The following SLC38A7 variants were observed in gnomAD, a reference collection of about 807,000 sequenced individuals.
SLC38A7 encodes the protein sodium-coupled neutral amino acid transporter 7.
SLC38A7 carries 29 observed loss-of-function variants against 50.1 expected under a neutral mutation model. The observed-to-expected ratio is 0.58, with a 90% CI of 0.43 to 0.79. SLC38A7 has a LOEUF of 0.79. Ranked by LOEUF, SLC38A7 falls within the 30% of genes least tolerant of loss-of-function variation. The pLI, the probability that SLC38A7 is intolerant of heterozygous loss-of-function variation, is 0.00. For synonymous variants in SLC38A7, 244 were observed against 245.9 expected, an observed-to-expected ratio of 0.99 and a Z score of 0.07; for missense variants, 483 against 610.6, an observed-to-expected ratio of 0.79 and a Z score of 2.20.
intron 2 of SLC38A7, among the ~76,000 whole-genome samples, chr16:58,682,756 T>C (rs8052986): frequency 0.58 from 88,246 of 151,350 alleles, 27,346 homozygotes; most frequent in African/African-American, 0.82. Context: ...CTCAGCCTCC[T>C]GAGTAGCTGG....
chr16:58,671,356 T>C (rs1437326712), intron 9 of SLC38A7, 112 bp from the exon 10 acceptor site: 1 of 1,041,402 alleles, frequency 9.6e-7, no homozygotes, highest in Admixed American at 2.4e-5. Context: ...GCCCCATTCC[T>C]GACCCTCAGT....
chr16:58,678,823 G>A lies in SLC38A7; in HGVS notation c.342C>T (p.Thr114=), dbSNP rs2044325220. The part of the protein sequence containing the change: ...AYCSQASNER[T]YQEVVWAVCG... ...ACACAGCCCATACCACCTCCTGGTA[G>A]GTCCTCTCATTGCTGGCCTGGGAGC... Residue 114 remains threonine, a synonymous_variant, in exon 4 of 12, where the codon ACC becomes ACT. Transcript: ENST00000219320. The surrounding 1 kb of genome is among the most constrained non-coding windows in gnomAD (Gnocchi z 4.0). 1 of 1,614,050 alleles carries A rather than the reference G, an allele frequency of 6.2e-7. No individual in the cohort carries two copies.
intron 11 of SLC38A7, among the ~76,000 whole-genome samples, chr16:58,668,055 AC>A (rs1278285257): frequency 6.6e-6 from 1 of 151,886 alleles, no homozygotes; most frequent in Non-Finnish European, 1.5e-5. Flanking sequence ...TAATTCCAGC[AC>A]TTTGGGAGGC....
intron 11 of SLC38A7, among the ~76,000 whole-genome samples, chr16:58,668,819 C>G (rs2044099262): frequency 6.7e-6 from 1 of 149,286 alleles, no homozygotes. Context: ...ATCACCCAGG[C>G]TGGAGTGCAG....
chr16:58,676,953 C>A (rs578162193), intron 6 of SLC38A7, among the ~76,000 whole-genome samples: 4 of 148,716 alleles, frequency 2.7e-5, no homozygotes, highest in South Asian at 2.1e-4. Flanking sequence ...TGTGCCTGGC[C>A]CCCCCCCTTT....
intron 11 of SLC38A7, among the ~76,000 whole-genome samples, chr16:58,668,922 A>G (rs1267637813): frequency 6.7e-6 from 1 of 148,782 alleles, no homozygotes; most frequent in African/African-American, 2.5e-5. Context: ...GGCATGCGCC[A>G]CCACAACCAG....
intron 11 of SLC38A7, among the ~76,000 whole-genome samples, chr16:58,669,210 G>T (rs1227777215): frequency 6.9e-6 from 1 of 145,934 alleles, no homozygotes; most frequent in Non-Finnish European, 1.5e-5. Context: ...CCGCCTCCTG[G>T]GTTCAAGCAA....
At position 58,673,747 on chromosome 16, in the gene SLC38A7, TCTTGAATTCTTAGA is replaced by T. The variant is rs1418218587; in HGVS notation, c.884-1518_884-1505del. 1.3e-5 allele frequency among the ~76,000 whole-genome samples: 2 copies of T among 151,228 alleles called. 1 individual carries two copies. Among genetic ancestry groups the T allele is most frequent in the East Asian group, 3.9e-4 (2 of 5,090 alleles). On this transcript the variant is annotated intron_variant, in intron 8 of 11. Coordinates refer to ENST00000219320, the MANE Select transcript of SLC38A7 (RefSeq NM_018231.3). Reference sequence around the variant, plus strand: ...TGGTACAATCATAGTTCCACTGTAGTCTTGAATTCTTAGACTCAAGTTCCTCCTGACTTGGCCTC... The same window carrying T: ...TGGTACAATCATAGTTCCACTGTAGTCTCAAGTTCCTCCTGACTTGGCCTC...
At chr16:58,672,041 G>T in intron 9 of SLC38A7, 55 bp downstream of exon 9, 1 of 1,495,792 alleles carries the variant, frequency 6.7e-7, no homozygotes, top group Non-Finnish European at 8.9e-7. Context: ...AAAGGACCAT[G>T]TTGGAAGCGC....
Position 58,678,386 on chromosome 16 carries a change from G to T in SLC38A7, c.558C>A (p.Leu186=), listed in dbSNP as rs374392534. The change falls in exon 5 of 12, where the codon CTC becomes CTA. Residue 186 remains leucine (L), a synonymous_variant. Transcript: ENST00000219320. This position sits in a 1 kb window ranked among gnomAD's most constrained non-coding sequence, Gnocchi z 4.0. ...RKFTISLTAF[L]FILPLSIPRE... is the part of the protein sequence containing the mutation. ...TGGGGATGGAGAGGGGCAGGATGAA[G>T]AGGAAGGCAGTGAGGCTGATGGTGA... The T allele has an allele frequency of 6.2e-6, 10 of 1,600,910 alleles. No homozygotes were observed. Among genetic ancestry groups the T allele is most frequent in the Non-Finnish European group, 8.5e-6 (10 of 1,173,676 alleles).
Position 58,667,489 on chromosome 16 carries a change from T to C in SLC38A7, c.1287-2A>G, listed in dbSNP as rs1285063160. 1 of 1,604,914 alleles carries C rather than the reference T, an allele frequency of 6.2e-7. No individual in the cohort carries two copies. The highest frequency in any genetic ancestry group is 1.7e-5 in the Admixed American group (1 of 58,366). Reference sequence around the variant, plus strand: ...CCGTAGCTGACCAGCACCCACCAGCTGTAGAACAGAGGGTGAGAGAGGTCT... The same window carrying C: ...CCGTAGCTGACCAGCACCCACCAGCCGTAGAACAGAGGGTGAGAGAGGTCT... On this transcript the variant is annotated splice_acceptor_variant, in intron 11 of 11. Transcript: ENST00000219320. LOFTEE classifies it high-confidence loss of function.
chr16:58,669,930 G>A (rs567374009), intron 11 of SLC38A7, among the ~76,000 whole-genome samples, 183 bp downstream of exon 11: 246 of 151,450 alleles, frequency 1.6e-3, no homozygotes, highest in African/African-American at 5.6e-3. Context: ...AGCTGAGATC[G>A]TGCCACTGCA....
At position 58,671,239 on chromosome 16, in the gene SLC38A7, A is replaced by G. The variant is rs1198107510; in HGVS notation, c.1037T>C (p.Val346Ala). ...GTAGCGCAGCCACAGGCCTTCCACC[A>G]CCGCCCTGCCCACATGGAGAAGGGC... ...YPILHFCGRAVVEGLWLRYQG... is the reference protein window; with the variant it reads ...YPILHFCGRAAVEGLWLRYQG... Residue 346 changes from valine to alanine, a missense_variant, in exon 10 of 12, where the codon GTG becomes GCG. By Grantham distance (64) the Val-to-Ala change is moderately conservative (BLOSUM62 0). Transcript: ENST00000219320. The G allele has an allele frequency of 1.2e-6, 2 of 1,613,420 alleles. No homozygotes were observed. Among genetic ancestry groups the G allele is most frequent in the African/African-American group, 1.3e-5 (1 of 74,998 alleles).
chr16:58,671,841 T>G (rs1325215905), intron 9 of SLC38A7: 9 of 353,742 alleles, frequency 2.5e-5, no homozygotes, highest in Middle Eastern at 7.8e-4. Flanking sequence ...AGTGCTGGGT[T>G]TAGAGACGTG....
chr16:58,679,917 G>A lies in SLC38A7; in HGVS notation c.210C>T (p.Leu70=), dbSNP rs190764094. 1.7e-5 allele frequency: 28 copies of A among 1,613,390 alleles called. 1 individual carries two copies. The East Asian group carries it at 5.8e-4, about 33-fold the overall frequency. ...CAGTGCTGAAGGCTGCTGGGAAGTT[G>A]AGTAACCCTGCACCCAGGCACGCGT... ...VVNACLGAGL[L]NFPAAFSTAG... Residue 70 remains leucine, a synonymous_variant, in exon 3 of 12, where the codon CTC becomes CTT. Coordinates refer to ENST00000219320, the MANE Select transcript of SLC38A7 (RefSeq NM_018231.3).
At chr16:58,680,292 G>C (rs112263193) in intron 2 of SLC38A7, 51 bp from the exon 3 acceptor site, 4 of 742,744 alleles carry the variant, frequency 5.4e-6, no homozygotes, top group Non-Finnish European at 7.7e-6. Flanking sequence ...GGGGGAACTA[G>C]GGGACAAAAA....
Position 58,672,217 on chromosome 16 carries a change from C to T in SLC38A7, c.910G>A (p.Ala304Thr). Residue 304 changes from alanine (A) to threonine (T), a missense_variant, in exon 9 of 12, where the codon GCT (alanine) becomes ACT (threonine). By Grantham distance (58) the Ala-to-Thr change is moderately conservative. Transcript: ENST00000219320. ...TGICGFLTFG[A>T]AVDPDVLLSY... is the part of the protein sequence containing the mutation. The stretch of plus-strand genomic sequence containing the variant: ...AGGAGCACGTCAGGATCCACAGCAG[C>T]TCCAAAGGTCAGGAAGCCACAGATG... 6.3e-7 allele frequency: 1 copy of T among 1,583,368 alleles called. No individual in the cohort carries two copies. The highest frequency in any genetic ancestry group is 8.6e-7 in the Non-Finnish European group (1 of 1,164,704).
chr16:58,680,377 G>C, intron 2 of SLC38A7, 136 bp from the exon 3 acceptor site: 2 of 393,224 alleles, frequency 5.1e-6, no homozygotes, highest in South Asian at 2.2e-4. Context: ...AGTGCACTGG[G>C]TGCCAGAGTA....
intron 11 of SLC38A7, 30 bp downstream of exon 11, chr16:58,670,083 G>T: frequency 6.2e-7 from 1 of 1,611,818 alleles, no homozygotes; most frequent in Non-Finnish European, 8.5e-7. Context: ...GCACCTCCCT[G>T]AGAGGATCAA....
Sources: gnomAD v4.1 joint callset for allele counts (sites outside exome capture counted in the v4.1 genomes callset) on GRCh38, gnomAD v4.1.1 for gene constraint, Gnocchi (gnomAD v3.1) non-coding constraint, MANE v1.5 for transcripts, NCBI Gene and HGNC (gene_info 2026-07-23, HGNC 2026-07-21) for gene names.